Variants in UPF2 observed in about 807,000 individuals in gnomAD.
The protein encoded by UPF2 is UPF2 regulator of nonsense mediated mRNA decay, also known as regulator of nonsense transcripts 2.
A neutral mutation model predicts 141.4 loss-of-function variants in UPF2; 17 were observed. That is an observed-to-expected ratio of 0.12 (90% CI 0.08 to 0.18). The LOEUF (loss-of-function observed/expected upper bound fraction) is 0.18, where lower values mean the gene tolerates loss of function less well. Among genes scored for constraint, UPF2 ranks in the 10% least tolerant of loss-of-function variants. The probability of loss-of-function intolerance (pLI) is 1.00; values close to 1 mark genes in which losing one functional copy is unlikely to be tolerated. For missense variants in UPF2, 1,152 were observed against 1,515.9 expected (o/e 0.76, Z 3.99); for synonymous variants, 540 against 498.0 (o/e 1.08, Z -1.12).
At chr10:11,981,860 A>G (rs1160053839) in intron 8 of UPF2, among the ~76,000 whole-genome samples, 1 of 152,116 alleles carries the variant, frequency 6.6e-6, no homozygotes, top group African/African-American at 2.4e-5. Flanking sequence ...TAATTTTTGT[A>G]TTTTTAGCAG....
intron 9 of UPF2, among the ~76,000 whole-genome samples, chr10:11,977,010 A>G (rs1364369752): frequency 6.6e-6 from 1 of 152,190 alleles, no homozygotes; most frequent in Non-Finnish European, 1.5e-5. Flanking sequence ...AGCCAGAGGC[A>G]GGCTTCCTAG....
chr10:11,951,968 G>C (rs1193738538), intron 15 of UPF2, 98 bp downstream of exon 15: 2 of 1,257,244 alleles, frequency 1.6e-6, no homozygotes, highest in Admixed American at 1.9e-5. Context: ...AAATAGAAAA[G>C]ATACAATGTA....
rs74624793 is a variant in UPF2, at chr10:11,920,901, T to C, written c.*397A>G. The C allele has an allele frequency of 5.0e-4, 212 of 426,526 alleles. No homozygotes were observed. Among genetic ancestry groups the C allele is most frequent in the Non-Finnish European group, 9.2e-4 (191 of 208,184 alleles). 26.4% of individuals were successfully genotyped at this position (426,526 alleles called of 1,614,324 possible). A position where few individuals can be genotyped will look rare whatever the true frequency, so the allele number is the denominator to read the frequency against. On this transcript the variant is annotated 3_prime_UTR_variant, in exon 22 of 22. Coordinates refer to ENST00000357604, the MANE Select transcript of UPF2 (RefSeq NM_015542.4). Reference sequence around the variant, plus strand: ...CAATTCAGAGACACTGAAACTCAAATCAAGTTTAAAGCTCAAGTTCATTTC... The same window carrying C: ...CAATTCAGAGACACTGAAACTCAAACCAAGTTTAAAGCTCAAGTTCATTTC...
At chr10:11,938,853 G>GTTGTGTTTTTTT (rs1832889614) in intron 18 of UPF2, among the ~76,000 whole-genome samples, 1 of 79,816 alleles carries the variant, frequency 1.3e-5, no homozygotes, top group East Asian at 3.6e-4. Context: ...TTTTTTTTTT[G>GTTGTGTTTTTTT]TTTTTTTTTT....
At chr10:12,040,786 C>T (rs1834723328) in intron 1 of UPF2, among the ~76,000 whole-genome samples, 1 of 152,168 alleles carries the variant, frequency 6.6e-6, no homozygotes, top group African/African-American at 2.4e-5. Context: ...GGATATACTG[C>T]TATCTATCTT....
chr10:12,026,460 A>G (rs978441721), intron 3 of UPF2, among the ~76,000 whole-genome samples: 3 of 152,126 alleles, frequency 2.0e-5, no homozygotes, highest in African/African-American at 7.2e-5. Context: ...TGGAGACGAG[A>G]AAAGGGAAAC....
At chr10:11,932,815 C>G (rs1440393382) in intron 19 of UPF2, among the ~76,000 whole-genome samples, 1 of 152,142 alleles carries the variant, frequency 6.6e-6, no homozygotes, top group East Asian at 1.9e-4. Flanking sequence ...AAAAAACATA[C>G]AATCCCAAGT....
rs1185841576 is a variant in UPF2 at position 12,035,380 on chromosome 10, T to C, written c.44A>G (p.Asp15Gly). 1 of 1,596,878 alleles carries C rather than the reference T, an allele frequency of 6.3e-7. No individual in the cohort carries two copies. The highest frequency in any genetic ancestry group is 1.4e-5 in the African/African-American group (1 of 73,626). ...RKKPASMEEK[D>G]SLPNNKEKDC... ...TTTTTCCTTGTTGTTTGGTAAAGAG[T>C]CTTTTTCTTCCATACTTGCTGGCTT... is the stretch of plus-strand genomic sequence containing the variant. Residue 15 changes from aspartate to glycine, a missense_variant, in exon 2 of 22, where the codon GAC becomes GGC. Physicochemically the swap from Asp to Gly is moderately conservative, Grantham distance 94. Coordinates refer to ENST00000357604, the MANE Select transcript of UPF2 (RefSeq NM_015542.4).
In UPF2 at chr10:12,035,581, T is replaced by A; in HGVS notation, c.-18-140A>T. The A allele has an allele frequency of 6.7e-6, 6 of 889,910 alleles. No homozygotes were observed. The South Asian group carries it at 1.2e-4, about 18-fold the overall frequency. 55.1% of individuals were successfully genotyped at this position (889,910 alleles called of 1,614,324 possible). ...TAAAGGCAGGTAAAATGAATACTAT[T>A]TCTGTTACAAAATAAGTTATTCATC... is the stretch of plus-strand genomic sequence containing the variant. On this transcript the variant is annotated intron_variant, in intron 1 of 21. Transcript: ENST00000357604.
rs1051591742 is a variant in UPF2 at position 12,019,082 on chromosome 10, A to G, written c.1146-4898T>C. Among the ~76,000 whole-genome samples, 16 of 152,330 alleles carry G rather than the reference A, an allele frequency of 1.1e-4. No homozygotes were observed. Among genetic ancestry groups the G allele is most frequent in the Admixed American group, 8.5e-4 (13 of 15,300 alleles). ...TATGATTTCATCACATATTTTAATT[A>G]TTGCCTTTTTAGAAATACATCAATT... is the stretch of plus-strand genomic sequence containing the variant. On this transcript the variant is annotated intron_variant, in intron 3 of 21. Transcript: ENST00000357604. The surrounding 1 kb of genome is among the most constrained non-coding windows in gnomAD (Gnocchi z 4.5).
chr10:11,931,582 C>T lies in UPF2; in HGVS notation c.3688+59G>A. 6.8e-7 allele frequency: 1 copy of T among 1,471,192 alleles called. No homozygotes were observed. Among genetic ancestry groups the T allele is most frequent in the Non-Finnish European group, 9.0e-7 (1 of 1,107,878 alleles). The allele number at this position is 1,471,192 out of a possible 1,614,324, so 91.1% of individuals were successfully genotyped here. A position where few individuals can be genotyped will look rare whatever the true frequency, so the allele number is the denominator to read the frequency against. ...GACATGAGAAGATGAGACAAAATAA[C>T]AATTTTGATGCTCAAAAGGCAACAA... On this transcript the variant is annotated intron_variant, in intron 20 of 21. Coordinates refer to ENST00000357604, the MANE Select transcript of UPF2 (RefSeq NM_015542.4). This position sits in a 1 kb window ranked among gnomAD's most constrained non-coding sequence, Gnocchi z 5.9.
chr10:12,032,187 G>A (rs1030005295), intron 2 of UPF2, among the ~76,000 whole-genome samples: 1 of 151,798 alleles, frequency 6.6e-6, no homozygotes, highest in African/African-American at 2.4e-5. Context: ...CCAGCTACTC[G>A]GGAGGCTGAG....
At chr10:11,927,253 C>T (rs965080810) in intron 21 of UPF2, among the ~76,000 whole-genome samples, 2 of 152,106 alleles carry the variant, frequency 1.3e-5, no homozygotes, top group Non-Finnish European at 2.9e-5. Flanking sequence ...ACTATACTTG[C>T]GATACATGAA....
intron 9 of UPF2, 79 bp from the exon 10 acceptor site, chr10:11,967,533 C>T (rs1833340186): frequency 3.1e-5 from 18 of 588,260 alleles, no homozygotes; most frequent in African/African-American, 2.1e-5. Context: ...TTAATGCATT[C>T]GAATTCACTC....
chr10:11,934,734 C>T (rs1464795008), intron 19 of UPF2, among the ~76,000 whole-genome samples: 2 of 152,090 alleles, frequency 1.3e-5, no homozygotes, highest in Non-Finnish European at 2.9e-5. Context: ...GGATTACAGG[C>T]ACACGCCACC....
At chr10:11,969,737 G>GT (rs1186261294) in intron 9 of UPF2, among the ~76,000 whole-genome samples, 3 of 152,150 alleles carry the variant, frequency 2.0e-5, no homozygotes, top group Non-Finnish European at 4.4e-5. Flanking sequence ...AGTGTGCACT[G>GT]TGGACCAGTT....
At chr10:12,010,785 T>C (rs913589222) in intron 4 of UPF2, among the ~76,000 whole-genome samples, 2 of 151,884 alleles carry the variant, frequency 1.3e-5, no homozygotes, top group Non-Finnish European at 2.9e-5. Context: ...AGCTACACCA[T>C]AACTAATGCT....
At chr10:11,952,286 A>T (rs1412199647) in intron 14 of UPF2, 37 bp from the exon 15 acceptor site, 1 of 1,512,204 alleles carries the variant, frequency 6.6e-7, no homozygotes, top group Admixed American at 2.2e-5. Context: ...GCTATAAGAA[A>T]TTAGTAACAA....
chr10:11,995,640 G>A (rs1038639690), intron 8 of UPF2, among the ~76,000 whole-genome samples: 8 of 151,982 alleles, frequency 5.3e-5, no homozygotes, highest in East Asian at 1.9e-4. Context: ...AAAATTAGCC[G>A]GGCATGGTGG....
Sources: allele counts gnomAD v4.1 joint callset (sites outside exome capture counted in the v4.1 genomes callset), GRCh38; gene constraint gnomAD v4.1.1; non-coding constraint Gnocchi (gnomAD v3.1); transcripts MANE v1.5; gene names NCBI Gene and HGNC (gene_info 2026-07-23, HGNC 2026-07-21).